The following UBAC2 variants were observed in gnomAD, a reference collection of about 807,000 sequenced individuals.
UBAC2 encodes the protein ubiquitin-associated domain-containing protein 2.
In UBAC2, 26 loss-of-function variants were observed where a neutral mutation model predicts 44.0. The ratio of observed to expected loss-of-function variants is 0.59; its 90% confidence interval spans 0.43 to 0.82. UBAC2 has a LOEUF of 0.82. Among genes scored for constraint, UBAC2 ranks in the 40% least tolerant of loss-of-function variants. The pLI, the probability that UBAC2 is intolerant of heterozygous loss-of-function variation, is 0.00. For synonymous variants in UBAC2, 155 were observed against 154.3 expected (o/e 1.00, Z -0.04); for missense variants, 329 against 419.4 (o/e 0.78, Z 1.88).
chr13:99,275,137 A>G (rs1305795060), intron 4 of UBAC2, among the ~76,000 whole-genome samples: 2 of 152,228 alleles, frequency 1.3e-5, no homozygotes, highest in African/African-American at 4.8e-5. Flanking sequence ...AGATACTGCT[A>G]GTTTTCCTGT....
intron 4 of UBAC2, among the ~76,000 whole-genome samples, chr13:99,266,417 G>C (rs1208410049): frequency 6.6e-6 from 1 of 151,976 alleles, no homozygotes; most frequent in African/African-American, 2.4e-5. Flanking sequence ...GTACTAATTT[G>C]TGTTGGACTG....
intron 4 of UBAC2, among the ~76,000 whole-genome samples, chr13:99,310,085 A>G (rs747263675): frequency 3.3e-4 from 50 of 152,362 alleles, no homozygotes; most frequent in Non-Finnish European, 5.9e-4. Flanking sequence ...TCAGCAATTC[A>G]GAAGGCTGAG....
intron 4 of UBAC2, among the ~76,000 whole-genome samples, chr13:99,280,096 A>G (rs1240782809): frequency 6.6e-6 from 1 of 152,180 alleles, no homozygotes; most frequent in Non-Finnish European, 1.5e-5. Flanking sequence ...CCCTGTCACC[A>G]TCTCAATGCC....
intron 4 of UBAC2, among the ~76,000 whole-genome samples, chr13:99,290,494 G>A (rs372005948): frequency 6.6e-6 from 1 of 152,118 alleles, no homozygotes; most frequent in South Asian, 2.1e-4. Flanking sequence ...GGGAGGCCGA[G>A]GCAGGTGGAT....
chr13:99,370,636 C>T (rs974361378), intron 8 of UBAC2, among the ~76,000 whole-genome samples: 4 of 152,186 alleles, frequency 2.6e-5, no homozygotes, highest in Non-Finnish European at 4.4e-5. Context: ...CCTCATTTTT[C>T]CCAAAACTCA....
chr13:99,239,153 A>G (rs1012163268), intron 2 of UBAC2, among the ~76,000 whole-genome samples: 1 of 152,224 alleles, frequency 6.6e-6, no homozygotes, highest in Non-Finnish European at 1.5e-5. Flanking sequence ...GCACTTGGTT[A>G]GCCCATTTTA....
At chr13:99,211,325 A>G (rs1004042601) in intron 1 of UBAC2, among the ~76,000 whole-genome samples, 2 of 152,212 alleles carry the variant, frequency 1.3e-5, no homozygotes, top group African/African-American at 4.8e-5. Context: ...CAAAGCCTGT[A>G]CTTTCTACTG....
chr13:99,282,809 G>A (rs551012140), intron 4 of UBAC2, among the ~76,000 whole-genome samples: 1 of 152,304 alleles, frequency 6.6e-6, no homozygotes, highest in South Asian at 2.1e-4. Context: ...TGCTAACCAT[G>A]TCTTGGTAAC....
At chr13:99,350,404 C>A (rs141012985) in intron 7 of UBAC2, among the ~76,000 whole-genome samples, 3 of 152,134 alleles carry the variant, frequency 2.0e-5, no homozygotes, top group African/African-American at 4.8e-5. Flanking sequence ...TTCAGCCCCA[C>A]CCCCAACCTC....
chr13:99,248,359 G>A (rs975609964), intron 4 of UBAC2, among the ~76,000 whole-genome samples: 2 of 150,912 alleles, frequency 1.3e-5, no homozygotes, highest in African/African-American at 4.9e-5. Flanking sequence ...GAGTAGCTGT[G>A]ACTATAGATG....
At chr13:99,382,568 G>A (rs1259019856) in intron 8 of UBAC2, among the ~76,000 whole-genome samples, 5 of 152,214 alleles carry the variant, frequency 3.3e-5, no homozygotes, top group African/African-American at 9.6e-5. Flanking sequence ...AGTTCTGGGC[G>A]CGGTGTTCTG....
intron 1 of UBAC2, among the ~76,000 whole-genome samples, chr13:99,220,144 A>G (rs2043038422): frequency 6.6e-6 from 1 of 152,224 alleles, no homozygotes; most frequent in Non-Finnish European, 1.5e-5. Flanking sequence ...GATATATCTT[A>G]AGTATTAAAA....
At position 99,340,406 on chromosome 13, in the gene UBAC2, G is replaced by A. The variant is rs756559919; in HGVS notation, c.648G>A (p.Trp216Ter). 6.2e-7 allele frequency: 1 copy of A among 1,614,062 alleles called. No homozygotes were observed. The highest frequency in any genetic ancestry group is 8.5e-7 in the Non-Finnish European group (1 of 1,180,036). ...IPSWMAKFFS[W>*]TLEPIFSSSE... ...GCTGGATGGCAAAATTCTTTTCTTG[G>A]ACACTTGAACCCATCTTCTCTTCTT... The change falls in exon 7 of 9, where the codon TGG becomes TGA. Residue 216 changes from tryptophan (W) to a stop codon, truncating the protein, a stop_gained. Coordinates refer to ENST00000403766, the MANE Select transcript of UBAC2 (RefSeq NM_001144072.2). LOFTEE classifies it high-confidence loss of function.
chr13:99,244,607 T>G lies in UBAC2; in HGVS notation c.372T>G (p.Ser124Arg). 6.2e-7 allele frequency: 1 copy of G among 1,610,648 alleles called. No homozygotes were observed. The highest frequency in any genetic ancestry group is 1.3e-5 in the African/African-American group (1 of 74,974). ...ATTTCTTTGGCATCACTGCAGCTAG[T>G]AATTTGCCTTCTGGATTGTAAGTAG... ...MQYFFGITAA[S>R]NLPSGFLAPV... The change falls in exon 4 of 9, where the codon AGT becomes AGG. Residue 124 changes from serine (S) to arginine (R), a missense_variant. Coordinates refer to ENST00000403766, the MANE Select transcript of UBAC2 (RefSeq NM_001144072.2).
At chr13:99,382,576 CT>C (rs1366684340) in intron 8 of UBAC2, among the ~76,000 whole-genome samples, 1 of 152,180 alleles carries the variant, frequency 6.6e-6, no homozygotes, top group African/African-American at 2.4e-5. Flanking sequence ...GCGCGGTGTT[CT>C]GAGACGGTGT....
intron 7 of UBAC2, among the ~76,000 whole-genome samples, chr13:99,361,456 G>A (rs1296416139): frequency 2.6e-5 from 4 of 152,072 alleles, no homozygotes; most frequent in Non-Finnish European, 5.9e-5. Context: ...TGTTTGCTTT[G>A]CCTACTCTTT....
intron 4 of UBAC2, among the ~76,000 whole-genome samples, chr13:99,306,088 G>A (rs988935575): frequency 1.3e-5 from 2 of 152,048 alleles, no homozygotes; most frequent in African/African-American, 2.4e-5. Flanking sequence ...TAGAGATGGG[G>A]TTTCACCATG....
intron 4 of UBAC2, among the ~76,000 whole-genome samples, chr13:99,284,680 C>T (rs558288474): frequency 6.6e-6 from 1 of 152,290 alleles, no homozygotes; most frequent in East Asian, 1.9e-4. Flanking sequence ...TCTAGTCCAT[C>T]GTCTGGTTCA....
intron 6 of UBAC2, among the ~76,000 whole-genome samples, chr13:99,321,466 G>A (rs1023585399): frequency 4.6e-5 from 7 of 152,046 alleles, no homozygotes; most frequent in African/African-American, 1.7e-4. Flanking sequence ...ACGCCACCAA[G>A]CCCGGCTACT....
Sources: allele counts gnomAD v4.1 joint callset (sites outside exome capture counted in the v4.1 genomes callset), GRCh38; gene constraint gnomAD v4.1.1; transcripts MANE v1.5; gene names NCBI Gene and HGNC (gene_info 2026-07-23, HGNC 2026-07-21).